Variants in MAML3 observed in about 807,000 individuals in gnomAD.
The protein encoded by MAML3 is mastermind-like protein 3.
In MAML3, 27 loss-of-function variants were observed where a neutral mutation model predicts 101.9. The ratio of observed to expected loss-of-function variants is 0.27; its 90% confidence interval spans 0.20 to 0.37. MAML3 has a LOEUF of 0.37. MAML3 is among the 10% of genes least tolerant of loss of function. The pLI is 1.00. For synonymous variants in MAML3, 501 were observed against 555.9 expected (o/e 0.90, Z 1.39); for missense variants, 1,316 against 1,444.9 (o/e 0.91, Z 1.45).
At chr4:139,811,872 T>C (rs773646542) in intron 2 of MAML3, among the ~76,000 whole-genome samples, 1 of 152,212 alleles carries the variant, frequency 6.6e-6, no homozygotes, top group African/African-American at 2.4e-5. Flanking sequence ...AGAAAGTGGA[T>C]GAATGTGTGG....
rs545718935 is a variant in MAML3 at position 140,120,028 on chromosome 4, G to A, written c.468+32832C>T. ...CGAGGCAGGCGGATCACGAGGTCAG[G>A]AGATCGAGACCATCCTGGCTAACAC... On this transcript the variant is annotated intron_variant, in intron 1 of 4. Coordinates refer to ENST00000509479, the MANE Select transcript of MAML3 (RefSeq NM_018717.5). Among the ~76,000 whole-genome samples, 210 of 152,164 alleles carry A rather than the reference G, an allele frequency of 1.4e-3. 2 individuals are homozygous for A. The highest frequency in any genetic ancestry group is 4.8e-3 in the African/African-American group (198 of 41,522).
intron 2 of MAML3, among the ~76,000 whole-genome samples, chr4:139,864,522 A>G (rs1731852277): frequency 6.6e-6 from 1 of 151,970 alleles, no homozygotes; most frequent in Non-Finnish European, 1.5e-5. Context: ...CTAAAAATAC[A>G]AAAATTAGCT....
intron 1 of MAML3, among the ~76,000 whole-genome samples, chr4:140,125,332 C>G (rs985309338): frequency 2.0e-5 from 3 of 152,136 alleles, no homozygotes; most frequent in Non-Finnish European, 4.4e-5. Flanking sequence ...ACTTGGGAGG[C>G]TGAGGCAGGA....
chr4:140,042,528 G>A (rs748205975), intron 1 of MAML3, among the ~76,000 whole-genome samples: 3 of 152,160 alleles, frequency 2.0e-5, no homozygotes, highest in Non-Finnish European at 4.4e-5. Flanking sequence ...CAGCTACTTG[G>A]GAGGCTGAGG....
chr4:139,801,939 G>C, intron 2 of MAML3, among the ~76,000 whole-genome samples: 1 of 152,160 alleles, frequency 6.6e-6, no homozygotes, highest in East Asian at 1.9e-4. Context: ...CAAGAGACCT[G>C]AGCAGAAAGG....
At chr4:140,094,133 G>A (rs923110954) in intron 1 of MAML3, among the ~76,000 whole-genome samples, 1 of 152,180 alleles carries the variant, frequency 6.6e-6, no homozygotes, top group Non-Finnish European at 1.5e-5. Flanking sequence ...CTATTTGCAG[G>A]CAAGGTCCAT....
rs150578721 is a variant in MAML3 at position 139,883,325 on chromosome 4, G to C, written c.2079+6032C>G. ...AAAGTTTAAGGATGGATCAAAAGTAGGTACAGAGACAATACATGCCCCTCA... is the reference window on the plus strand; with the variant it reads ...AAAGTTTAAGGATGGATCAAAAGTACGTACAGAGACAATACATGCCCCTCA... On this transcript the variant is annotated intron_variant, in intron 2 of 4. Transcript: ENST00000509479. Among the ~76,000 whole-genome samples the C allele has an allele frequency of 2.4e-3, 360 of 152,244 alleles. 1 individual carries two copies. Among genetic ancestry groups the C allele is most frequent in the African/African-American group, 7.8e-3 (325 of 41,554 alleles).
rs1268761571 is a variant in MAML3, at chr4:140,153,008, CGCTCCA to C, written c.314_319del (p.Leu105_Glu106del). 1.2e-6 allele frequency: 2 copies of C among 1,605,172 alleles called. No individual in the cohort carries two copies. Among genetic ancestry groups the C allele is most frequent in the African/African-American group, 1.3e-5 (1 of 74,756 alleles). On this transcript the variant is annotated inframe_deletion, in exon 1 of 5. Transcript: ENST00000509479. ...CTGGTAGAGGCTCACGGTGTCCCGG[CGCTCCA>C]GCTCCAGCTGCTCCACCTGAGCCTG...
intron 1 of MAML3, among the ~76,000 whole-genome samples, chr4:139,989,755 A>G (rs569076832): frequency 3.4e-4 from 51 of 152,074 alleles, no homozygotes; most frequent in Non-Finnish European, 5.6e-4. Flanking sequence ...ACACGTGAAT[A>G]TATTCATGCC....
chr4:139,895,659 T>C (rs1338529670), intron 1 of MAML3, among the ~76,000 whole-genome samples: 1 of 152,198 alleles, frequency 6.6e-6, no homozygotes, highest in East Asian at 1.9e-4. Context: ...GGTAGGGTAT[T>C]TCTGTTCTCT....
At chr4:139,993,338 TGA>T (rs1201768389) in intron 1 of MAML3, among the ~76,000 whole-genome samples, 8 of 113,434 alleles carry the variant, frequency 7.1e-5, no homozygotes, top group African/African-American at 2.6e-4. Flanking sequence ...GGTGACAGAG[TGA>T]GACTCCATCT....
chr4:139,914,502 A>G (rs1424244346), intron 1 of MAML3, among the ~76,000 whole-genome samples: 1 of 152,118 alleles, frequency 6.6e-6, no homozygotes, highest in East Asian at 1.9e-4. Context: ...GGGAGGAAAA[A>G]AAAAGAAAAT....
intron 1 of MAML3, among the ~76,000 whole-genome samples, chr4:140,016,004 T>C (rs1053326265): frequency 6.6e-6 from 1 of 152,198 alleles, no homozygotes; most frequent in East Asian, 1.9e-4. Flanking sequence ...TTGGTTCCTG[T>C]TTATGAATGA....
At chr4:140,007,082 G>A (rs542744661) in intron 1 of MAML3, among the ~76,000 whole-genome samples, 17 of 152,158 alleles carry the variant, frequency 1.1e-4, no homozygotes, top group African/African-American at 2.9e-4. Flanking sequence ...GGATGTTGCC[G>A]TATATATTGC....
At chr4:140,069,444 GAGGAGAAGGAGGAGA>G (rs1203618867) in intron 1 of MAML3, among the ~76,000 whole-genome samples, 7 of 113,262 alleles carry the variant, frequency 6.2e-5, no homozygotes, top group Admixed American at 9.0e-5. Flanking sequence ...GGAGGAGAAG[GAGGAGAAGGAGGAGA>G]AGGAGAAGGA....
At chr4:139,878,519 C>T (rs1732157408) in intron 2 of MAML3, among the ~76,000 whole-genome samples, 1 of 152,104 alleles carries the variant, frequency 6.6e-6, no homozygotes, top group East Asian at 1.9e-4. Flanking sequence ...ATTTTCTACA[C>T]CTGTGTCGAA....
intron 1 of MAML3, among the ~76,000 whole-genome samples, chr4:139,974,352 G>A (rs940014278): frequency 6.6e-6 from 1 of 152,012 alleles, no homozygotes. Context: ...TGATCTGCCC[G>A]TCTCGGCCTC....
intron 1 of MAML3, among the ~76,000 whole-genome samples, chr4:140,083,024 T>C (rs976043879): frequency 3.9e-5 from 6 of 152,216 alleles, no homozygotes; most frequent in African/African-American, 1.4e-4. Flanking sequence ...CAAACATGTA[T>C]ATAGTGCTTA....
intron 2 of MAML3, among the ~76,000 whole-genome samples, chr4:139,865,485 G>GTTTTTTTTTGTT (rs1560818358): frequency 3.3e-5 from 3 of 90,080 alleles, no homozygotes; most frequent in African/African-American, 1.5e-4. Context: ...TCTGTAAAAG[G>GTTTTTTTTTGTT]TTTTTTTTTT....
Sources: gnomAD v4.1 joint callset for allele counts (sites outside exome capture counted in the v4.1 genomes callset) on GRCh38, gnomAD v4.1.1 for gene constraint, MANE v1.5 for transcripts, NCBI Gene and HGNC (gene_info 2026-07-23, HGNC 2026-07-21) for gene names.